The following IDE variants were observed in gnomAD, a reference collection of about 807,000 sequenced individuals.
IDE encodes the protein insulin degrading enzyme.
In IDE, 58 loss-of-function variants were observed where a neutral mutation model predicts 133.2. That is an observed-to-expected ratio of 0.44 (90% CI 0.35 to 0.54). IDE has a LOEUF of 0.54. Ranked by LOEUF, IDE falls within the 20% of genes least tolerant of loss-of-function variation. IDE has a pLI of 0.00. For missense variants in IDE, 981 were observed against 1,234.0 expected, an observed-to-expected ratio of 0.79 and a Z score of 3.07; for synonymous variants, 396 against 421.3, an observed-to-expected ratio of 0.94 and a Z score of 0.73.
chr10:92,504,148 G>A (rs1848173603), intron 11 of IDE, among the ~76,000 whole-genome samples: 2 of 152,018 alleles, frequency 1.3e-5, no homozygotes, highest in Non-Finnish European at 2.9e-5. Flanking sequence ...CCTAACAGAG[G>A]AGAAAAATTA....
chr10:92,471,357 G>C (rs1845955380), intron 17 of IDE, among the ~76,000 whole-genome samples: 1 of 152,194 alleles, frequency 6.6e-6, no homozygotes, highest in Non-Finnish European at 1.5e-5. Context: ...GCTTACCACA[G>C]ATCAGGAATT....
chr10:92,542,717 G>C (rs1179684652), intron 1 of IDE, among the ~76,000 whole-genome samples: 1 of 152,198 alleles, frequency 6.6e-6, no homozygotes, highest in African/African-American at 2.4e-5. Context: ...AAGTAGAAGG[G>C]AATTCGTGAG....
chr10:92,498,850 G>A (rs1176832711), intron 11 of IDE, among the ~76,000 whole-genome samples: 6 of 152,036 alleles, frequency 3.9e-5, no homozygotes, highest in African/African-American at 1.4e-4. Flanking sequence ...CTTGAACCTG[G>A]AAAACAGATT....
chr10:92,457,946 T>C (rs1845118533), intron 22 of IDE, among the ~76,000 whole-genome samples: 2 of 152,172 alleles, frequency 1.3e-5, no homozygotes, highest in Admixed American at 6.5e-5. Flanking sequence ...TATTAACATG[T>C]AGTACCTCAT....
rs1849042275 is a variant in IDE at position 92,518,424 on chromosome 10, T to C, written c.662-3382A>G. Among the ~76,000 whole-genome samples, 3 of 152,200 alleles carry C rather than the reference T, an allele frequency of 2.0e-5. No homozygotes were observed. In the South Asian group the frequency reaches 6.2e-4, roughly 31 times the overall value. On this transcript the variant is annotated intron_variant, in intron 4 of 24. Coordinates refer to ENST00000265986, the MANE Select transcript of IDE (RefSeq NM_004969.4). Reference sequence around the variant, plus strand: ...GTATAAGACTATTACTTAACAAAAATGTTAAAGTCTTACGACACCAACTGT... The same window carrying C: ...GTATAAGACTATTACTTAACAAAAACGTTAAAGTCTTACGACACCAACTGT...
Position 92,534,763 on chromosome 10 carries a change from A to C in IDE, c.306T>G (p.Asn102Lys), listed in dbSNP as rs778579326. Residue 102 changes from asparagine to lysine, a missense_variant, in exon 3 of 25, where the codon AAT becomes AAG. Asn to Lys is a moderately conservative substitution (Grantham distance 94). Coordinates refer to ENST00000265986, the MANE Select transcript of IDE (RefSeq NM_004969.4). ...VHIGSLSDPP[N>K]IAGLSHFCEH... ...CACAAAAATGACTTAAGCCAGCAAT[A>C]TTTGGAGGATCCGACAATGAACCTG... 6.2e-7 allele frequency: 1 copy of C among 1,613,502 alleles called. No individual in the cohort carries two copies. Among genetic ancestry groups the C allele is most frequent in the Non-Finnish European group, 8.5e-7 (1 of 1,179,820 alleles).
At chr10:92,478,878 A>G (rs981833950) in intron 15 of IDE, 3 of 558,246 alleles carry the variant, frequency 5.4e-6, no homozygotes, top group Non-Finnish European at 7.3e-6. Flanking sequence ...ATGGATATGC[A>G]GCCTCATGAT....
At position 92,507,616 on chromosome 10, in the gene IDE, G is replaced by A. The variant is rs533637479; in HGVS notation, c.1204C>T (p.Arg402Cys). ...ACCCATTCTTGAGGTCCTTCTGCAC[G>A]TAACTTCTGAATGTATTGAAACATG... ...LHMFQYIQKL[R>C]AEGPQEWVFQ... Residue 402 changes from arginine to cysteine, a missense_variant, in exon 9 of 25, where the codon CGT (arginine) becomes TGT (cysteine). This residue lies in a region of IDE where 660 missense variants were observed against 894.7 expected (regional missense o/e 0.74). Transcript: ENST00000265986. The A allele has an allele frequency of 3.9e-5, 62 of 1,609,408 alleles. No individual in the cohort carries two copies. Among genetic ancestry groups the A allele is most frequent in the South Asian group, 2.1e-4 (19 of 90,958 alleles).
intron 13 of IDE, among the ~76,000 whole-genome samples, chr10:92,483,763 C>A (rs1589399989): frequency 6.6e-6 from 1 of 152,206 alleles, no homozygotes; most frequent in Non-Finnish European, 1.5e-5. Context: ...CCCTCCCACA[C>A]TACACCAGGG....
At chr10:92,455,483 A>G in intron 24 of IDE, 93 bp downstream of exon 24, 1 of 816,210 alleles carries the variant, frequency 1.2e-6, no homozygotes, top group South Asian at 1.5e-5. Context: ...TCCATTTCAA[A>G]AACAAAAAAC....
At chr10:92,567,558 C>G (rs988185549) in intron 1 of IDE, among the ~76,000 whole-genome samples, 1 of 152,216 alleles carries the variant, frequency 6.6e-6, no homozygotes, top group Non-Finnish European at 1.5e-5. Context: ...TCATATGTCA[C>G]TGAATTGCTC....
rs192563243 is a variant in IDE, at chr10:92,514,926, C to T, written c.778G>A (p.Gly260Ser). Residue 260 changes from glycine to serine, a missense_variant, in exon 5 of 25, where the codon GGT becomes AGT. Gly to Ser is a moderately conservative substitution (Grantham distance 56, BLOSUM62 0). This residue lies in a region of IDE where 321 missense variants were observed against 339.3 expected (regional missense o/e 0.95). Coordinates refer to ENST00000265986, the MANE Select transcript of IDE (RefSeq NM_004969.4). The stretch of plus-strand genomic sequence containing the variant: ...AAATTGTAAGGGTTCTTACCTCGAC[C>T]TAAAACACAAACAGCCATTAAGTTG... The part of the protein sequence containing the change: ...SSNLMAVCVL[G>S]RESLDDLTNL... The T allele has an allele frequency of 4.5e-5, 73 of 1,610,546 alleles. 1 individual carries two copies. The East Asian group carries it at 1.5e-3, about 34-fold the overall frequency.
intron 2 of IDE, among the ~76,000 whole-genome samples, chr10:92,535,419 T>C (rs1841946129): frequency 6.6e-6 from 1 of 152,136 alleles, no homozygotes; most frequent in Non-Finnish European, 1.5e-5. Flanking sequence ...AGAATTTTCT[T>C]GTCATGATTT....
rs1238026579 is a variant in IDE at position 92,454,015 on chromosome 10, G to A, written c.*429C>T. The A allele has an allele frequency of 1.3e-5, 2 of 153,542 alleles. No individual in the cohort carries two copies. Among genetic ancestry groups the A allele is most frequent in the Non-Finnish European group, 2.9e-5 (2 of 68,964 alleles). 9.5% of individuals were successfully genotyped at this position (153,542 alleles called of 1,614,324 possible). On this transcript the variant is annotated 3_prime_UTR_variant, in exon 25 of 25. Transcript: ENST00000265986. Reference sequence around the variant, plus strand: ...ACCATCAAGTAGAAAGCAAATTTGAGGATCAATTTTTAAAAAGTTATTACC... The same window carrying A: ...ACCATCAAGTAGAAAGCAAATTTGAAGATCAATTTTTAAAAAGTTATTACC...
chr10:92,469,063 GT>G, intron 18 of IDE, 73 bp from the exon 19 acceptor site: 1 of 845,370 alleles, frequency 1.2e-6, no homozygotes. Context: ...AACTGGCTTT[GT>G]TTATCATAAA....
At chr10:92,544,858 A>G (rs1198468181) in intron 1 of IDE, among the ~76,000 whole-genome samples, 1 of 152,254 alleles carries the variant, frequency 6.6e-6, no homozygotes, top group African/African-American at 2.4e-5. Context: ...TTAAAGCAAG[A>G]GAGTATATGT....
In IDE at chr10:92,508,770, G is replaced by A. The variant is rs770550960; in HGVS notation, c.1018C>T (p.His340Tyr). The change falls in exon 7 of 25, where the codon CAT (histidine) becomes TAT (tyrosine). Residue 340 changes from histidine (H) to tyrosine (Y), a missense_variant. Physicochemically the swap from His to Tyr is moderately conservative, Grantham distance 83 (BLOSUM62 2). This residue lies in a region of IDE where 660 missense variants were observed against 894.7 expected (regional missense o/e 0.74). Coordinates refer to ENST00000265986, the MANE Select transcript of IDE (RefSeq NM_004969.4). Reference protein sequence around the residue: ...PGHYLGHLIGHEGPGSLLSEL... With the variant: ...PGHYLGHLIGYEGPGSLLSEL... The stretch of plus-strand genomic sequence containing the variant: ...GATAACAGACTTCCAGGACCTTCAT[G>A]CCCAATGAGATGACCAAGATAATGA... The A allele has an allele frequency of 5.6e-6, 9 of 1,614,014 alleles. No individual in the cohort carries two copies. Among genetic ancestry groups the A allele is most frequent in the Non-Finnish European group, 7.6e-6 (9 of 1,179,914 alleles).
chr10:92,506,552 C>A (rs369106829), intron 9 of IDE, 30 bp from the exon 10 acceptor site: 3 of 1,059,512 alleles, frequency 2.8e-6, no homozygotes, highest in Non-Finnish European at 4.3e-6. Context: ...CAATTAGATA[C>A]GGCCACCCTT....
chr10:92,569,607 GATTTTCAAGCTAAACTGAAAACTCTC>G (rs1297265166), intron 1 of IDE, among the ~76,000 whole-genome samples: 4 of 152,020 alleles, frequency 2.6e-5, no homozygotes, highest in South Asian at 2.1e-4. Context: ...AAGATTCAAA[GATTTTCAAGCTAAACTGAAAACTCTC>G]ATTTTCAAGC....
Sources: gnomAD v4.1 joint callset for allele counts (sites outside exome capture counted in the v4.1 genomes callset) on GRCh38, gnomAD v4.1.1 for gene constraint, gnomAD v4.1.1 regional missense constraint, MANE v1.5 for transcripts, NCBI Gene and HGNC (gene_info 2026-07-23, HGNC 2026-07-21) for gene names.